Variants in RSRC1 observed in about 807,000 individuals in gnomAD.
RSRC1 encodes arginine and serine rich coiled-coil 1, also known as serine/Arginine-related protein 53.
A neutral mutation model predicts 49.1 loss-of-function variants in RSRC1; 39 were observed. That is an observed-to-expected ratio of 0.79 (90% CI 0.61 to 1.04). The LOEUF is 1.04. RSRC1 is among the 50% of genes least tolerant of loss of function. The pLI is 0.00. For missense variants in RSRC1, 388 were observed against 402.4 expected, an observed-to-expected ratio of 0.96 and a Z score of 0.31; for synonymous variants, 143 against 130.8, an observed-to-expected ratio of 1.09 and a Z score of -0.63.
chr3:158,296,770 GT>G (rs1362228559), intron 4 of RSRC1, among the ~76,000 whole-genome samples: 1 of 151,968 alleles, frequency 6.6e-6, no homozygotes, highest in Non-Finnish European at 1.5e-5. Flanking sequence ...TGAATATATA[GT>G]TTTGCTAAGA....
At chr3:158,278,799 CATTTTT>C (rs1462076119) in intron 4 of RSRC1, among the ~76,000 whole-genome samples, 1 of 152,130 alleles carries the variant, frequency 6.6e-6, no homozygotes, top group Non-Finnish European at 1.5e-5. Context: ...CTCAGAAACT[CATTTTT>C]ATTTTTTTAT....
chr3:158,499,259 C>A (rs541703710), intron 7 of RSRC1, among the ~76,000 whole-genome samples: 1 of 152,172 alleles, frequency 6.6e-6, no homozygotes, highest in East Asian at 1.9e-4. Context: ...CGCCTGTAAT[C>A]CCAGCTACTC....
At chr3:158,276,501 T>C (rs1305795961) in intron 4 of RSRC1, 5 of 570,574 alleles carry the variant, frequency 8.8e-6, no homozygotes, top group Non-Finnish European at 1.2e-5. Flanking sequence ...ATTTGTCTTT[T>C]TTTCATGTTA....
At chr3:158,540,850 A>T (rs1432227935) in intron 8 of RSRC1, among the ~76,000 whole-genome samples, 1 of 152,206 alleles carries the variant, frequency 6.6e-6, no homozygotes, top group Non-Finnish European at 1.5e-5. Flanking sequence ...CCCTCCCACC[A>T]TAAACAGCTA....
intron 6 of RSRC1, among the ~76,000 whole-genome samples, chr3:158,428,088 T>G (rs1438593568): frequency 6.6e-6 from 1 of 151,748 alleles, no homozygotes; most frequent in Non-Finnish European, 1.5e-5. Flanking sequence ...ATTTTAAGTC[T>G]TACTTCCACC....
At chr3:158,436,108 A>G (rs1438339697) in intron 6 of RSRC1, among the ~76,000 whole-genome samples, 4 of 151,924 alleles carry the variant, frequency 2.6e-5, no homozygotes, top group Non-Finnish European at 5.9e-5. Flanking sequence ...CTTTAGTTCA[A>G]TAAACATTTA....
At chr3:158,349,331 G>A (rs953584595) in intron 5 of RSRC1, among the ~76,000 whole-genome samples, 1 of 152,062 alleles carries the variant, frequency 6.6e-6, no homozygotes, top group African/African-American at 2.4e-5. Flanking sequence ...GATTAGCAAT[G>A]TTGAGCATTT....
intron 4 of RSRC1, among the ~76,000 whole-genome samples, chr3:158,272,282 A>G (rs1725564126): frequency 6.6e-6 from 1 of 152,138 alleles, no homozygotes; most frequent in African/African-American, 2.4e-5. Context: ...GTAATGTACC[A>G]TTGAAGGCAG....
intron 6 of RSRC1, among the ~76,000 whole-genome samples, chr3:158,364,293 ACTAT>A (rs143484116): frequency 0.22 from 33,289 of 152,000 alleles, 4,222 homozygotes; most frequent in Non-Finnish European, 0.29. Flanking sequence ...CTGACCACTC[ACTAT>A]CTATGGCTCC....
intron 5 of RSRC1, among the ~76,000 whole-genome samples, chr3:158,348,774 C>T (rs1560004800): frequency 6.6e-6 from 1 of 152,062 alleles, no homozygotes; most frequent in Non-Finnish European, 1.5e-5. Context: ...CCTGTTTTCT[C>T]CATCTTTATG....
intron 4 of RSRC1, among the ~76,000 whole-genome samples, chr3:158,249,841 T>C (rs1000624232): frequency 6.6e-5 from 10 of 152,170 alleles, no homozygotes; most frequent in African/African-American, 2.4e-4. Flanking sequence ...ATTATACTTT[T>C]TGTTATTTTT....
At chr3:158,467,578 C>T (rs1410486456) in intron 7 of RSRC1, among the ~76,000 whole-genome samples, 3 of 151,928 alleles carry the variant, frequency 2.0e-5, no homozygotes, top group East Asian at 1.9e-4. Flanking sequence ...TTAGGGATGC[C>T]GAAATGAAAG....
At chr3:158,189,365 A>T (rs537149987) in intron 3 of RSRC1, among the ~76,000 whole-genome samples, 1 of 152,110 alleles carries the variant, frequency 6.6e-6, no homozygotes, top group Admixed American at 6.6e-5. Context: ...TTCTAAATTT[A>T]CGTTACAAAT....
At chr3:158,379,427 C>T (rs1732572398) in intron 6 of RSRC1, among the ~76,000 whole-genome samples, 1 of 151,988 alleles carries the variant, frequency 6.6e-6, no homozygotes, top group African/African-American at 2.4e-5. Flanking sequence ...GTCTCGATCT[C>T]CTGACCTCGT....
intron 6 of RSRC1, among the ~76,000 whole-genome samples, chr3:158,453,703 T>C (rs1011538057): frequency 5.3e-5 from 8 of 152,112 alleles, no homozygotes; most frequent in African/African-American, 1.9e-4. Flanking sequence ...TTTTAACCTT[T>C]TCGGGTTCTC....
chr3:158,163,136 T>C (rs1718338455), intron 3 of RSRC1, among the ~76,000 whole-genome samples: 6 of 152,220 alleles, frequency 3.9e-5, no homozygotes, highest in African/African-American at 1.2e-4. Flanking sequence ...CCCTAGTAGC[T>C]GGGATTACAG....
intron 6 of RSRC1, among the ~76,000 whole-genome samples, chr3:158,418,805 C>G (rs1734885194): frequency 6.6e-6 from 1 of 151,896 alleles, no homozygotes; most frequent in Admixed American, 6.6e-5. Flanking sequence ...CTAGAAAATT[C>G]TTGGTAGTGT....
intron 7 of RSRC1, among the ~76,000 whole-genome samples, chr3:158,521,194 G>T (rs1482788644): frequency 6.6e-6 from 1 of 152,126 alleles, no homozygotes; most frequent in Non-Finnish European, 1.5e-5. Flanking sequence ...AATATTAATA[G>T]ATTGCTTAGA....
chr3:158,335,017 A>G (rs771752664), intron 5 of RSRC1, among the ~76,000 whole-genome samples: 2 of 152,000 alleles, frequency 1.3e-5, no homozygotes, highest in Non-Finnish European at 2.9e-5. Context: ...CATCTACTTA[A>G]CTTTCACATA....
Sources: allele counts gnomAD v4.1 joint callset (sites outside exome capture counted in the v4.1 genomes callset), GRCh38; gene constraint gnomAD v4.1.1; transcripts MANE v1.5; gene names NCBI Gene and HGNC (gene_info 2026-07-23, HGNC 2026-07-21).